Variants in PTPN9 observed in about 807,000 individuals in gnomAD.
PTPN9 encodes protein tyrosine phosphatase non-receptor type 9.
PTPN9 carries 26 observed loss-of-function variants against 69.8 expected under a neutral mutation model. The ratio of observed to expected loss-of-function variants is 0.37; its 90% CI spans 0.27 to 0.52. PTPN9 has a LOEUF of 0.52. PTPN9 is among the 20% of genes least tolerant of loss of function. The pLI, the probability that PTPN9 is intolerant of heterozygous loss-of-function variation, is 0.91. For missense variants in PTPN9, 549 were observed against 740.3 expected, an observed-to-expected ratio of 0.74 and a Z score of 3.00; for synonymous variants, 274 against 272.5, an observed-to-expected ratio of 1.01 and a Z score of -0.05.
rs2075185253 is a variant in PTPN9 at position 75,578,726 on chromosome 15, C to T, written c.51G>A (p.Pro17=). The change falls in exon 1 of 13, where the codon CCG becomes CCA. Residue 17 remains proline (P), a synonymous_variant. Transcript: ENST00000618819. The stretch of plus-strand genomic sequence containing the variant: ...CGGGCCCGCTTACCTGCTCCTCCTC[C>T]GGGGTCAGCTCCGGCGCCATGTCGG... ...PRPDMAPELT[P]EEEQATKQFL... is the part of the protein sequence containing the mutation. 1 of 1,365,678 alleles carries T rather than the reference C, an allele frequency of 7.3e-7. No individual in the cohort carries two copies. Among genetic ancestry groups the T allele is most frequent in the South Asian group, 1.6e-5 (1 of 60,628 alleles). The allele number at this position is 1,365,678 out of a possible 1,614,324, so 84.6% of individuals were successfully genotyped here.
chr15:75,520,080 G>A (rs549365293), intron 4 of PTPN9, among the ~76,000 whole-genome samples: 35 of 152,238 alleles, frequency 2.3e-4, no homozygotes, highest in African/African-American at 8.4e-4. Flanking sequence ...TGTGAGTTAT[G>A]ATGATGCAAC....
intron 12 of PTPN9, among the ~76,000 whole-genome samples, chr15:75,469,200 C>G (rs1286008506): frequency 6.6e-6 from 1 of 152,260 alleles, no homozygotes; most frequent in Admixed American, 6.5e-5. Flanking sequence ...AGGACATACA[C>G]TTGGGGTAAC....
At chr15:75,571,532 T>C (rs1595973702) in intron 1 of PTPN9, among the ~76,000 whole-genome samples, 1 of 152,062 alleles carries the variant, frequency 6.6e-6, no homozygotes, top group East Asian at 1.9e-4. Context: ...CCAAGGTGGG[T>C]AGACTGCTTG....
chr15:75,499,578 GTAT>G (rs1252687096), intron 7 of PTPN9, among the ~76,000 whole-genome samples: 1 of 151,526 alleles, frequency 6.6e-6, no homozygotes, highest in African/African-American at 2.4e-5. Context: ...GCTAATTTTT[GTAT>G]TATTAGAAGA....
At chr15:75,562,204 A>G (rs996795357) in intron 1 of PTPN9, among the ~76,000 whole-genome samples, 18 of 152,206 alleles carry the variant, frequency 1.2e-4, no homozygotes, top group Non-Finnish European at 1.3e-4. Flanking sequence ...TGAGAGCTAC[A>G]GCCAGAGGCT....
Position 75,560,226 on chromosome 15 carries a change from A to G in PTPN9, c.63+18488T>C, listed in dbSNP as rs540129489. 5.9e-5 allele frequency among the ~76,000 whole-genome samples: 9 copies of G among 152,284 alleles called. No homozygotes were observed. The South Asian group carries it at 1.9e-3, about 32-fold the overall frequency. ...AACAAAATGGCACACACTGGCATTC[A>G]GTTTCCGGAAATGTCTAATGGTTTC... On this transcript the variant is annotated intron_variant, in intron 1 of 12. Transcript: ENST00000618819.
intron 1 of PTPN9, among the ~76,000 whole-genome samples, chr15:75,568,985 A>G (rs1282020521): frequency 6.6e-6 from 1 of 152,228 alleles, no homozygotes. Context: ...TTTTCTAGGA[A>G]CATCTTCCCT....
intron 1 of PTPN9, among the ~76,000 whole-genome samples, chr15:75,554,107 C>T (rs1465060649): frequency 1.3e-5 from 2 of 150,602 alleles, no homozygotes; most frequent in Admixed American, 6.7e-5. Context: ...CAGCCTCAAC[C>T]TTACAGGCTC....
At chr15:75,562,958 G>A (rs1257505664) in intron 1 of PTPN9, among the ~76,000 whole-genome samples, 2 of 151,904 alleles carry the variant, frequency 1.3e-5, no homozygotes, top group South Asian at 4.2e-4. Context: ...TTAGGTTCAG[G>A]GGGTACATGT....
At chr15:75,520,895 C>A (rs1189246141) in intron 4 of PTPN9, among the ~76,000 whole-genome samples, 1 of 151,998 alleles carries the variant, frequency 6.6e-6, no homozygotes, top group Non-Finnish European at 1.5e-5. Context: ...CCTCGACCTC[C>A]CAGGGCTCAG....
rs1049532487 is a variant in PTPN9 at position 75,468,320 on chromosome 15, G to A, written c.*449C>T. On this transcript the variant is annotated 3_prime_UTR_variant, in exon 13 of 13. Coordinates refer to ENST00000618819, the MANE Select transcript of PTPN9 (RefSeq NM_002833.4). ...TATAAACGTGCTTGGCACTCAGGAC[G>A]ATCTCTAGAATATGTAACTTGGTCA... The A allele has an allele frequency of 5.8e-5, 10 of 171,014 alleles. No individual in the cohort carries two copies. Among genetic ancestry groups the A allele is most frequent in the Non-Finnish European group, 7.7e-5 (6 of 77,774 alleles). 10.6% of individuals were successfully genotyped at this position (171,014 alleles called of 1,614,324 possible).
At position 75,498,057 on chromosome 15, in the gene PTPN9, G is replaced by A. The variant is rs1013578299; in HGVS notation, c.968+7618C>T. On this transcript the variant is annotated intron_variant, in intron 7 of 12. Coordinates refer to ENST00000618819, the MANE Select transcript of PTPN9 (RefSeq NM_002833.4). ...ATACAAAAAAAAAAATTAGCTGGGCGTGGTAGCAGGCACCTGTAATCCCAG... is the reference window on the plus strand; with the variant it reads ...ATACAAAAAAAAAAATTAGCTGGGCATGGTAGCAGGCACCTGTAATCCCAG... Among the ~76,000 whole-genome samples the A allele has an allele frequency of 7.4e-5, 11 of 148,812 alleles. No homozygotes were observed. The South Asian group carries it at 2.4e-3, about 32-fold the overall frequency.
intron 1 of PTPN9, among the ~76,000 whole-genome samples, chr15:75,569,815 A>G (rs1446251993): frequency 2.0e-5 from 3 of 151,526 alleles, no homozygotes; most frequent in Non-Finnish European, 4.4e-5. Flanking sequence ...AAAGTCCAAG[A>G]CCCTTGTGCT....
chr15:75,527,271 A>C lies in PTPN9; in HGVS notation c.64-10T>G. ...GAAACTGCTTGGTAGCCTGTTTGAC[A>C]AAGAAAGAAAGAATAATTAGTAAGA... On this transcript the variant is annotated splice_polypyrimidine_tract_variant and intron_variant, in intron 1 of 12. Coordinates refer to ENST00000618819, the MANE Select transcript of PTPN9 (RefSeq NM_002833.4). 6.2e-7 allele frequency: 1 copy of C among 1,611,106 alleles called. No individual in the cohort carries two copies.
At chr15:75,571,370 C>G (rs1042008197) in intron 1 of PTPN9, among the ~76,000 whole-genome samples, 9 of 152,056 alleles carry the variant, frequency 5.9e-5, no homozygotes, top group Admixed American at 4.6e-4. Flanking sequence ...CTTATTAATC[C>G]TCACAACATT....
At chr15:75,530,872 GATATATTATATATTATT>G (rs1176980224) in intron 1 of PTPN9, among the ~76,000 whole-genome samples, 2 of 78,268 alleles carry the variant, frequency 2.6e-5, no homozygotes, top group Non-Finnish European at 4.9e-5. Context: ...TATATATTAC[GATATATTATATATTATT>G]ATATATTATA....
At chr15:75,507,373 G>A (rs1246328124) in intron 6 of PTPN9, among the ~76,000 whole-genome samples, 1 of 151,396 alleles carries the variant, frequency 6.6e-6, no homozygotes, top group Non-Finnish European at 1.5e-5. Flanking sequence ...TTGAACCCGG[G>A]GGACGGAGGT....
chr15:75,485,245 A>G (rs2074667493), intron 8 of PTPN9, among the ~76,000 whole-genome samples: 1 of 152,098 alleles, frequency 6.6e-6, no homozygotes, highest in Non-Finnish European at 1.5e-5. Context: ...TCGAGGACCA[A>G]GGGGAGAAGG....
intron 8 of PTPN9, among the ~76,000 whole-genome samples, chr15:75,482,392 C>T (rs1468516590): frequency 8.6e-5 from 13 of 151,920 alleles, no homozygotes; most frequent in Admixed American, 6.6e-4. Context: ...GGTGAAACCC[C>T]GTCTCTACTA....
Sources: gnomAD v4.1 joint callset for allele counts (sites outside exome capture counted in the v4.1 genomes callset) on GRCh38, gnomAD v4.1.1 for gene constraint, MANE v1.5 for transcripts, NCBI Gene and HGNC (gene_info 2026-07-23, HGNC 2026-07-21) for gene names.